The following ZNF398 variants were observed in gnomAD, a reference collection of about 807,000 sequenced individuals.
The protein encoded by ZNF398 is zinc finger protein 398.
A neutral mutation model predicts 41.9 loss-of-function variants in ZNF398; 18 were observed. The observed-to-expected ratio is 0.43, with a 90% CI of 0.30 to 0.64. The LOEUF is 0.64. Ranked by LOEUF, ZNF398 falls within the 30% of genes least tolerant of loss-of-function variation. The pLI, the probability that ZNF398 is intolerant of heterozygous loss-of-function variation, is 0.14. For synonymous variants in ZNF398, 260 were observed against 308.8 expected (o/e 0.84, Z 1.66); for missense variants, 669 against 822.8 (o/e 0.81, Z 2.29).
At position 149,151,115 on chromosome 7, in the gene ZNF398, G is replaced by T. The variant is rs542694529; in HGVS notation, c.25-2830G>T. On this transcript the variant is annotated intron_variant, in intron 1 of 5. Coordinates refer to ENST00000475153, the MANE Select transcript of ZNF398 (RefSeq NM_170686.3). ...GCCACTTTATGGAATGGGACAAGCGGCATGGAGGGCACAAGTCAGTGTTGA... is the reference window on the plus strand; with the variant it reads ...GCCACTTTATGGAATGGGACAAGCGTCATGGAGGGCACAAGTCAGTGTTGA... 1.9e-5 allele frequency: 10 copies of T among 528,458 alleles called. 1 individual carries two copies. The South Asian group carries it at 5.0e-4, about 27-fold the overall frequency. 32.7% of individuals were successfully genotyped at this position (528,458 alleles called of 1,614,324 possible).
At chr7:149,135,862 A>G (rs1047038654) in intron 2 of ZNF398, among the ~76,000 whole-genome samples, 4 of 152,114 alleles carry the variant, frequency 2.6e-5, no homozygotes, top group African/African-American at 9.7e-5. Flanking sequence ...GAGGCTGAGC[A>G]TGAGAATCAC....
chr7:149,173,166 A>G (rs371702306), intron 4 of ZNF398, among the ~76,000 whole-genome samples: 4 of 137,502 alleles, frequency 2.9e-5, no homozygotes, highest in South Asian at 4.5e-4. Flanking sequence ...GTGCAGTGGC[A>G]CGATCTCGGC....
At chr7:149,158,076 C>T (rs1795024454) in intron 2 of ZNF398, among the ~76,000 whole-genome samples, 1 of 151,692 alleles carries the variant, frequency 6.6e-6, no homozygotes, top group African/African-American at 2.4e-5. Context: ...AGCAAGACTC[C>T]GTCTCCAAAA....
intron 4 of ZNF398, among the ~76,000 whole-genome samples, chr7:149,172,355 T>C (rs1377204099): frequency 6.6e-6 from 1 of 152,206 alleles, no homozygotes; most frequent in Non-Finnish European, 1.5e-5. Flanking sequence ...CTTTGTCCAG[T>C]GCATCCACAC....
intron 2 of ZNF398, among the ~76,000 whole-genome samples, chr7:149,135,912 T>C (rs1169391728): frequency 1.3e-5 from 2 of 151,784 alleles, no homozygotes; most frequent in East Asian, 3.9e-4. Flanking sequence ...GCCAAGATCA[T>C]GCCATTGCAC....
At chr7:149,171,298 C>T (rs1795338078) in intron 4 of ZNF398, among the ~76,000 whole-genome samples, 1 of 151,878 alleles carries the variant, frequency 6.6e-6, no homozygotes, top group Non-Finnish European at 1.5e-5. Flanking sequence ...TAGTGTAAAA[C>T]ATATTGTACA....
intron 2 of ZNF398, among the ~76,000 whole-genome samples, chr7:149,139,788 G>A (rs1307195783): frequency 6.6e-6 from 1 of 151,908 alleles, no homozygotes; most frequent in Non-Finnish European, 1.5e-5. Context: ...GAGGGATCAC[G>A]AGGTCAGGAG....
Position 149,147,637 on chromosome 7 carries a change from C to A in ZNF398, c.-106C>A. 1.7e-6 allele frequency: 2 copies of A among 1,175,470 alleles called. No individual in the cohort carries two copies. Among genetic ancestry groups the A allele is most frequent in the Non-Finnish European group, 1.1e-6 (1 of 943,102 alleles). The allele number at this position is 1,175,470 out of a possible 1,614,324, so 72.8% of individuals were successfully genotyped here. ...CGGGGAAGGCAGGGCCGGGTCGGCG[C>A]CGCCTGTGGAGAGGACCCGGCGGCC... On this transcript the variant is annotated 5_prime_UTR_variant, in exon 1 of 6. Coordinates refer to ENST00000475153, the MANE Select transcript of ZNF398 (RefSeq NM_170686.3). The surrounding 1 kb of genome is among the most constrained non-coding windows in gnomAD (Gnocchi z 5.6).
At chr7:149,160,230 A>T (rs1215531203) in intron 2 of ZNF398, among the ~76,000 whole-genome samples, 2 of 152,084 alleles carry the variant, frequency 1.3e-5, no homozygotes, top group Non-Finnish European at 2.9e-5. Flanking sequence ...CAAGGTCAGG[A>T]GATCGAGACC....
Position 149,153,995 on chromosome 7 carries a change from T to C in ZNF398, c.75T>C (p.Leu25=), listed in dbSNP as rs770573642. Residue 25 remains leucine, a synonymous_variant, in exon 2 of 6, where the codon CTT becomes CTC. Coordinates refer to ENST00000475153, the MANE Select transcript of ZNF398 (RefSeq NM_170686.3). ...TTACATCCCTGCAGCCCCTTCCTCT[T>C]CCTACACCCCCAGCAGCAAATGAGG... ...ECLTSLQPLP[L]PTPPAANEAH... The C allele has an allele frequency of 1.2e-6, 2 of 1,613,960 alleles. No homozygotes were observed. Among genetic ancestry groups the C allele is most frequent in the South Asian group, 2.2e-5 (2 of 91,060 alleles).
rs10260151 is a variant in ZNF398 at position 149,135,561 on chromosome 7, G to A, written c.-490+6617G>A. On this transcript the variant is annotated intron_variant, in intron 2 of 6. Coordinates refer to the ZNF398 transcript ENST00000426851. ...AAGACTACACACTGGATGCTGCTGCGTACACTGCTTGAGTGATGGATGCAC... is the reference window on the plus strand; with the variant it reads ...AAGACTACACACTGGATGCTGCTGCATACACTGCTTGAGTGATGGATGCAC... 4.4e-3 allele frequency among the ~76,000 whole-genome samples: 676 copies of A among 152,062 alleles called. 6 individuals are homozygous for A. The highest frequency in any genetic ancestry group is 0.015 in the African/African-American group (639 of 41,494).
At chr7:149,153,347 G>T (rs1794900809) in intron 1 of ZNF398, among the ~76,000 whole-genome samples, 1 of 152,122 alleles carries the variant, frequency 6.6e-6, no homozygotes, top group Non-Finnish European at 1.5e-5. Flanking sequence ...GCCAAAGTTT[G>T]CCTGTCTGAA....
At position 149,179,545 on chromosome 7, in the gene ZNF398, A is replaced by G; in HGVS notation, c.1673A>G (p.Gln558Arg). Residue 558 changes from glutamine to arginine, a missense_variant, in exon 6 of 6, where the codon CAG (glutamine) becomes CGG (arginine). Physicochemically the swap from Gln to Arg is conservative, Grantham distance 43. This residue lies in a region of ZNF398 where 210 missense variants were observed against 290.4 expected (regional missense o/e 0.72). Coordinates refer to ENST00000475153, the MANE Select transcript of ZNF398 (RefSeq NM_170686.3). The surrounding 1 kb of genome is among the most constrained non-coding windows in gnomAD (Gnocchi z 6.1). ...CGCAAGCACCACCTAATGAAACACC[A>G]GCGCATCCACACCGGGGAGCGGCCC... Reference protein sequence around the residue: ...FIRKHHLMKHQRIHTGERPYP... With the variant: ...FIRKHHLMKHRRIHTGERPYP... The G allele has an allele frequency of 6.2e-7, 1 of 1,614,120 alleles. No individual in the cohort carries two copies. The highest frequency in any genetic ancestry group is 8.5e-7 in the Non-Finnish European group (1 of 1,180,012).
intron 4 of ZNF398, among the ~76,000 whole-genome samples, chr7:149,172,214 G>A (rs543142688): frequency 2.0e-5 from 3 of 152,088 alleles, no homozygotes; most frequent in Non-Finnish European, 4.4e-5. Flanking sequence ...GTTACCTGCC[G>A]TCAACTGTGA....
At chr7:149,166,779 C>A in intron 3 of ZNF398, 38 bp from the exon 4 acceptor site, 1 of 1,455,170 alleles carries the variant, frequency 6.9e-7, no homozygotes, top group Non-Finnish European at 9.5e-7. Context: ...CCTCATTTAT[C>A]TCTTTGTAAT....
At chr7:149,129,783 T>C (rs1382980984) in intron 2 of ZNF398, among the ~76,000 whole-genome samples, 1 of 152,156 alleles carries the variant, frequency 6.6e-6, no homozygotes, top group Non-Finnish European at 1.5e-5. Context: ...TTATTATTTT[T>C]TATACTTATT....
At chr7:149,169,747 CA>C (rs1255774237) in intron 4 of ZNF398, among the ~76,000 whole-genome samples, 1 of 152,142 alleles carries the variant, frequency 6.6e-6, no homozygotes, top group Non-Finnish European at 1.5e-5. Flanking sequence ...CCACCACACC[CA>C]ACCTCAGTAC....
chr7:149,137,997 C>T (rs999199837), intron 2 of ZNF398, among the ~76,000 whole-genome samples: 64 of 151,030 alleles, frequency 4.2e-4, no homozygotes, highest in African/African-American at 1.4e-3. Flanking sequence ...GTCGGGAGTT[C>T]AAGACCACCC....
chr7:149,171,820 A>G (rs577704165), intron 4 of ZNF398, among the ~76,000 whole-genome samples: 2 of 151,936 alleles, frequency 1.3e-5, no homozygotes, highest in Non-Finnish European at 2.9e-5. Context: ...GGCTCAAACC[A>G]CCACACCTGG....
Sources: allele counts gnomAD v4.1 joint callset (sites outside exome capture counted in the v4.1 genomes callset), GRCh38; gene constraint gnomAD v4.1.1; regional missense constraint gnomAD v4.1.1; non-coding constraint Gnocchi (gnomAD v3.1); transcripts MANE v1.5; gene names NCBI Gene and HGNC (gene_info 2026-07-23, HGNC 2026-07-21).